Variants in FRAS1 observed in about 807,000 individuals in gnomAD.
The protein encoded by FRAS1 is extracellular matrix organizing protein FRAS1.
A neutral mutation model predicts 435.2 loss-of-function variants in FRAS1; 290 were observed. The ratio of observed to expected loss-of-function variants is 0.67; its 90% confidence interval spans 0.61 to 0.73. The LOEUF (loss-of-function observed/expected upper bound fraction) is 0.73. FRAS1 is among the 30% of genes least tolerant of loss of function. FRAS1 has a pLI of 0.00. For synonymous variants in FRAS1, 1,800 were observed against 1,851.0 expected (o/e 0.97, Z 0.71); for missense variants, 4,860 against 5,001.5 (o/e 0.97, Z 0.85).
At chr4:78,291,679 A>T (rs992262057) in intron 14 of FRAS1, among the ~76,000 whole-genome samples, 1 of 152,128 alleles carries the variant, frequency 6.6e-6, no homozygotes, top group African/African-American at 2.4e-5. Flanking sequence ...GAGTACATGA[A>T]GTGTATAAAG....
chr4:78,430,416 A>T lies in FRAS1; in HGVS notation c.4968A>T (p.Thr1656=). Residue 1656 remains threonine (T), a splice_region_variant and synonymous_variant, in exon 37 of 74, where the codon ACA becomes ACT. Transcript: ENST00000512123. ...HTAEFRRPMA[T]GDTFTYEDVE... is the part of the protein sequence containing the mutation. ...CTGAGTTCCGAAGGCCGATGGCCACAGGTAGCTACACACCTACACACTCTG... is the reference window on the plus strand; with the variant it reads ...CTGAGTTCCGAAGGCCGATGGCCACTGGTAGCTACACACCTACACACTCTG... 6.2e-7 allele frequency: 1 copy of T among 1,612,642 alleles called. No individual in the cohort carries two copies. The highest frequency in any genetic ancestry group is 2.2e-5 in the East Asian group (1 of 44,848).
chr4:78,277,780 C>T (rs946492510), intron 9 of FRAS1, among the ~76,000 whole-genome samples: 21 of 151,538 alleles, frequency 1.4e-4, no homozygotes, highest in African/African-American at 3.4e-4. Context: ...ACCCTGCAAA[C>T]GTGGCAGGGT....
At chr4:78,133,918 G>C (rs1719800795) in intron 2 of FRAS1, among the ~76,000 whole-genome samples, 1 of 150,274 alleles carries the variant, frequency 6.7e-6, no homozygotes. Context: ...TATACCTATG[G>C]TTTTAAGAAA....
At chr4:78,432,774 T>C (rs1560724515) in intron 38 of FRAS1, among the ~76,000 whole-genome samples, 170 bp downstream of exon 38, 1 of 152,232 alleles carries the variant, frequency 6.6e-6, no homozygotes, top group Non-Finnish European at 1.5e-5. Flanking sequence ...ATGCTGTTTA[T>C]CCTGCTTCTC....
At chr4:78,271,530 G>C (rs536116547) in intron 9 of FRAS1, among the ~76,000 whole-genome samples, 1 of 152,032 alleles carries the variant, frequency 6.6e-6, no homozygotes, top group Non-Finnish European at 1.5e-5. Flanking sequence ...TGTTCTCATT[G>C]TTCAATTCCC....
intron 2 of FRAS1, among the ~76,000 whole-genome samples, chr4:78,206,143 A>G (rs1046408332): frequency 1.4e-4 from 22 of 152,246 alleles, no homozygotes; most frequent in African/African-American, 5.3e-4. Context: ...AAGGATCTTG[A>G]GATAGGAGTT....
At chr4:78,504,876 C>T (rs1201877286) in intron 61 of FRAS1, among the ~76,000 whole-genome samples, 2 of 152,164 alleles carry the variant, frequency 1.3e-5, no homozygotes, top group African/African-American at 4.8e-5. Context: ...TTGTTCCTTT[C>T]CATATTTAGT....
chr4:78,543,823 T>TA lies in FRAS1; in HGVS notation c.*2699_*2700insA, dbSNP rs1187620308. On this transcript the variant is annotated 3_prime_UTR_variant, in exon 74 of 74. Coordinates refer to ENST00000512123, the MANE Select transcript of FRAS1 (RefSeq NM_025074.7). ...TTCTCTGATTTGCTCACTAATGCCT[T>TA]GTGTGTGTTTTACTAACCTTTTATA... The TA allele has an allele frequency of 1.3e-5, 2 of 152,280 alleles. No individual in the cohort carries two copies. The highest frequency in any genetic ancestry group is 2.9e-5 in the Non-Finnish European group (2 of 68,044). The allele number at this position is 152,280 out of a possible 1,614,324, so 9.4% of individuals were successfully genotyped here.
chr4:78,347,388 A>G (rs1267585630), intron 20 of FRAS1, among the ~76,000 whole-genome samples: 1 of 152,130 alleles, frequency 6.6e-6, no homozygotes, highest in Admixed American at 6.5e-5. Context: ...GAGGGAGGAG[A>G]ACTTTTCTTG....
intron 2 of FRAS1, among the ~76,000 whole-genome samples, chr4:78,116,458 G>A (rs1323338177): frequency 6.6e-6 from 1 of 152,064 alleles, no homozygotes; most frequent in Non-Finnish European, 1.5e-5. Context: ...TTATTGTGTG[G>A]GAGTCTAAGT....
At position 78,519,485 on chromosome 4, in the gene FRAS1, T is replaced by G. The variant is rs772401904; in HGVS notation, c.10540+4T>G. ...GACACTGTTCTCTGGAGAACAGGTA[T>G]GCCCACTGACGCCTTAACTATCCCT... On this transcript the variant is annotated splice_donor_region_variant and intron_variant, in intron 67 of 73. Transcript: ENST00000512123. 2 of 1,607,598 alleles carry G rather than the reference T, an allele frequency of 1.2e-6. No homozygotes were observed. Among genetic ancestry groups the G allele is most frequent in the South Asian group, 1.1e-5 (1 of 89,942 alleles).
At chr4:78,421,828 ACTGTTGATG>A (rs1298255227) in intron 33 of FRAS1, 26 bp from the exon 34 acceptor site, 2 of 1,611,708 alleles carry the variant, frequency 1.2e-6, no homozygotes, top group Admixed American at 3.3e-5. Context: ...GATGAGAATT[ACTGTTGATG>A]CTGAGGCCAA....
At chr4:78,284,301 G>T (rs1392811343) in intron 12 of FRAS1, 104 bp from the exon 13 acceptor site, 6 of 663,850 alleles carry the variant, frequency 9.0e-6, no homozygotes, top group African/African-American at 2.4e-5. Context: ...TGTTCTTCAT[G>T]TTCTATGTAA....
At chr4:78,413,579 T>G (rs1156950845) in intron 32 of FRAS1, among the ~76,000 whole-genome samples, 2 of 152,170 alleles carry the variant, frequency 1.3e-5, no homozygotes, top group East Asian at 3.9e-4. Context: ...TGGGGACACA[T>G]TGGGAGGAAT....
At chr4:78,088,521 C>T (rs1275802679) in intron 2 of FRAS1, among the ~76,000 whole-genome samples, 3 of 152,044 alleles carry the variant, frequency 2.0e-5, no homozygotes, top group African/African-American at 4.8e-5. Context: ...ATTTTTGCCA[C>T]CTACTCATCT....
At chr4:78,158,873 T>G (rs1560555541) in intron 2 of FRAS1, among the ~76,000 whole-genome samples, 1 of 152,194 alleles carries the variant, frequency 6.6e-6, no homozygotes, top group Non-Finnish European at 1.5e-5. Flanking sequence ...GCATGGCTGT[T>G]GCATTGACAT....
At chr4:78,300,686 A>G (rs1728345606) in intron 14 of FRAS1, among the ~76,000 whole-genome samples, 2 of 152,086 alleles carry the variant, frequency 1.3e-5, no homozygotes, top group Non-Finnish European at 2.9e-5. Context: ...TAATTAGGAT[A>G]AAAATCCTAA....
chr4:78,323,907 G>T (rs1729611118), intron 18 of FRAS1, among the ~76,000 whole-genome samples: 1 of 152,074 alleles, frequency 6.6e-6, no homozygotes, highest in African/African-American at 2.4e-5. Flanking sequence ...CTCTAGAACA[G>T]AATTTCTCAT....
At chr4:78,183,780 A>G (rs1197527879) in intron 2 of FRAS1, among the ~76,000 whole-genome samples, 1 of 105,754 alleles carries the variant, frequency 9.5e-6, no homozygotes, top group African/African-American at 2.9e-5. Context: ...GTGTGTTTAA[A>G]TATATTATAG....
Sources: gnomAD v4.1 joint callset for allele counts (sites outside exome capture counted in the v4.1 genomes callset) on GRCh38, gnomAD v4.1.1 for gene constraint, MANE v1.5 for transcripts, NCBI Gene and HGNC (gene_info 2026-07-23, HGNC 2026-07-21) for gene names.